The following AP3B1 variants were observed in gnomAD, a reference collection of about 807,000 sequenced individuals.
AP3B1 encodes the protein adaptor related protein complex 3 subunit beta 1, also known as AP-3 complex subunit beta-1.
In AP3B1, 61 loss-of-function variants were observed where a neutral mutation model predicts 132.5. The observed-to-expected ratio is 0.46, with a 90% confidence interval of 0.37 to 0.57. The LOEUF is 0.57. Ranked by LOEUF, AP3B1 falls within the 20% of genes least tolerant of loss-of-function variation. The pLI is 0.00. For missense variants in AP3B1, 1,120 were observed against 1,289.4 expected (o/e 0.87, Z 2.01); for synonymous variants, 388 against 438.3 (o/e 0.89, Z 1.43).
chr5:78,292,271 C>T (rs1749556844), intron 1 of AP3B1, among the ~76,000 whole-genome samples: 1 of 152,114 alleles, frequency 6.6e-6, no homozygotes, highest in African/African-American at 2.4e-5. Flanking sequence ...GATTTAATGA[C>T]CACTTCCAGA....
At chr5:78,214,445 G>A (rs955898975) in intron 7 of AP3B1, among the ~76,000 whole-genome samples, 1 of 152,010 alleles carries the variant, frequency 6.6e-6, no homozygotes, top group South Asian at 2.1e-4. Flanking sequence ...TTTTTAGCAG[G>A]TATGGTAAGT....
rs573659138 is a variant in AP3B1 at position 78,229,514 on chromosome 5, C to G, written c.280-1275G>C. ...TTGGGAGGCTGAGGCAGGCAGATTG[C>G]CTGAGTTCAGGAGTTCAGGACCAGC... On this transcript the variant is annotated intron_variant, in intron 3 of 26. Transcript: ENST00000255194. Among the ~76,000 whole-genome samples, 749 of 151,208 alleles carry G rather than the reference C, an allele frequency of 5.0e-3. 5 individuals carry two copies. The highest frequency in any genetic ancestry group is 0.017 in the Middle Eastern group (5 of 290).
chr5:78,143,785 G>A (rs930929502), intron 14 of AP3B1, among the ~76,000 whole-genome samples: 3 of 152,198 alleles, frequency 2.0e-5, no homozygotes, highest in Non-Finnish European at 2.9e-5. Context: ...AGGCTGAGGC[G>A]GGTGGATCAC....
In AP3B1 at chr5:78,113,784, T is replaced by C; in HGVS notation, c.2217A>G (p.Thr739=). 6.2e-7 allele frequency: 1 copy of C among 1,614,198 alleles called. No individual in the cohort carries two copies. Among genetic ancestry groups the C allele is most frequent in the Non-Finnish European group, 8.5e-7 (1 of 1,180,048 alleles). ...CTTTGGCTTTTGAGTTCCTCTTGGCTGTTCTTTTGTTTTCTAGGCCTGACT... is the reference window on the plus strand; with the variant it reads ...CTTTGGCTTTTGAGTTCCTCTTGGCCGTTCTTTTGTTTTCTAGGCCTGACT... ...GRESGLENKR[T]AKRNSKAKGK... The change falls in exon 19 of 27, where the codon ACA becomes ACG. Residue 739 remains threonine, a synonymous_variant. Coordinates refer to ENST00000255194, the MANE Select transcript of AP3B1 (RefSeq NM_003664.5).
At chr5:78,060,431 C>A (rs1455105238) in intron 22 of AP3B1, among the ~76,000 whole-genome samples, 1 of 152,154 alleles carries the variant, frequency 6.6e-6, no homozygotes, top group East Asian at 1.9e-4. Flanking sequence ...CAAAATGTTT[C>A]TTTGTGGATA....
At chr5:78,186,460 G>A (rs778998830) in intron 7 of AP3B1, among the ~76,000 whole-genome samples, 11 of 152,126 alleles carry the variant, frequency 7.2e-5, no homozygotes, top group Non-Finnish European at 1.6e-4. Flanking sequence ...GAATAAAGTC[G>A]GTTTGGCTAT....
chr5:78,042,386 C>T (rs933010216), intron 22 of AP3B1: 1 of 152,180 alleles, frequency 6.6e-6, no homozygotes, highest in Admixed American at 6.5e-5. Context: ...AGGTGTGTAC[C>T]ACCATGCTGG....
At chr5:78,200,567 G>A (rs1487677880) in intron 7 of AP3B1, among the ~76,000 whole-genome samples, 2 of 152,080 alleles carry the variant, frequency 1.3e-5, no homozygotes, top group Non-Finnish European at 2.9e-5. Context: ...ACTGAGATAG[G>A]AGGATCACTT....
chr5:78,252,931 T>A (rs1747702032), intron 2 of AP3B1, among the ~76,000 whole-genome samples: 1 of 152,222 alleles, frequency 6.6e-6, no homozygotes. Flanking sequence ...CAAGACCCAG[T>A]CCTGTGCTGG....
intron 2 of AP3B1, among the ~76,000 whole-genome samples, chr5:78,252,822 G>A (rs1747696354): frequency 6.6e-6 from 1 of 152,214 alleles, no homozygotes; most frequent in African/African-American, 2.4e-5. Flanking sequence ...TTAAGGGAAG[G>A]ACACAGGCCT....
intron 22 of AP3B1, among the ~76,000 whole-genome samples, chr5:78,052,921 C>T (rs1663744228): frequency 6.6e-6 from 1 of 152,126 alleles, no homozygotes; most frequent in African/African-American, 2.4e-5. Flanking sequence ...TGACTTTTGG[C>T]TTAAGAGTAC....
chr5:78,232,112 T>C (rs1399826556), intron 3 of AP3B1, among the ~76,000 whole-genome samples: 1 of 152,216 alleles, frequency 6.6e-6, no homozygotes. Flanking sequence ...TATTTCACGA[T>C]AGGGGTGAAT....
At chr5:78,101,340 T>C (rs1222188087) in intron 20 of AP3B1, 1 of 457,206 alleles carries the variant, frequency 2.2e-6, no homozygotes, top group South Asian at 1.7e-5. Context: ...AGTGGCTCTT[T>C]GGTAGAAAGT....
chr5:78,153,491 A>AT (rs1253033989), intron 14 of AP3B1, among the ~76,000 whole-genome samples: 1 of 150,896 alleles, frequency 6.6e-6, no homozygotes, highest in African/African-American at 2.4e-5. Flanking sequence ...TTAGGTCTTG[A>AT]TTTTTTATAC....
At chr5:78,259,008 C>T (rs1343129080) in intron 2 of AP3B1, among the ~76,000 whole-genome samples, 3 of 151,848 alleles carry the variant, frequency 2.0e-5, no homozygotes, top group Non-Finnish European at 2.9e-5. Flanking sequence ...GAGGCCAAGG[C>T]GGACGGATCA....
At chr5:78,281,488 A>G (rs1241374567) in intron 1 of AP3B1, among the ~76,000 whole-genome samples, 1 of 151,354 alleles carries the variant, frequency 6.6e-6, no homozygotes, top group Non-Finnish European at 1.5e-5. Context: ...TTATCCCATT[A>G]TAATTTATTT....
At chr5:78,079,926 C>T (rs960914199) in intron 22 of AP3B1, among the ~76,000 whole-genome samples, 11 of 152,218 alleles carry the variant, frequency 7.2e-5, no homozygotes, top group African/African-American at 2.4e-4. Flanking sequence ...ACATTTTCCA[C>T]ATATGTATGC....
chr5:78,182,903 T>C (rs905086755), intron 7 of AP3B1, among the ~76,000 whole-genome samples: 3 of 152,226 alleles, frequency 2.0e-5, no homozygotes, highest in Middle Eastern at 3.2e-3. Flanking sequence ...ATTCTGATAT[T>C]GTCAGTGAAG....
intron 7 of AP3B1, among the ~76,000 whole-genome samples, chr5:78,209,542 T>C (rs1408843331): frequency 6.6e-6 from 1 of 152,204 alleles, no homozygotes; most frequent in Non-Finnish European, 1.5e-5. Flanking sequence ...ATTGAACCAA[T>C]GTGCATCTTA....
Sources: allele counts gnomAD v4.1 joint callset (sites outside exome capture counted in the v4.1 genomes callset), GRCh38; gene constraint gnomAD v4.1.1; transcripts MANE v1.5; gene names NCBI Gene and HGNC (gene_info 2026-07-23, HGNC 2026-07-21).